Variants in VAV3 observed in about 807,000 individuals in gnomAD.
The protein encoded by VAV3 is guanine nucleotide exchange factor VAV3.
A neutral mutation model predicts 131.2 loss-of-function variants in VAV3; 94 were observed. That is an observed-to-expected ratio of 0.72 (90% CI 0.61 to 0.85). VAV3 has a LOEUF of 0.85. VAV3 is among the 40% of genes least tolerant of loss of function. VAV3 has a pLI of 0.00. For synonymous variants in VAV3, 349 were observed against 342.0 expected (o/e 1.02, Z -0.22); for missense variants, 939 against 1,002.7 (o/e 0.94, Z 0.86).
Position 107,904,265 on chromosome 1 carries a change from T to G in VAV3, c.205-29248A>C, listed in dbSNP as rs901471845. Among the ~76,000 whole-genome samples, 3 of 152,316 alleles carry G rather than the reference T, an allele frequency of 2.0e-5. No individual in the cohort carries two copies. The South Asian group carries it at 6.2e-4, about 32-fold the overall frequency. The stretch of plus-strand genomic sequence containing the variant: ...TAAAGAATGCCATGTTACTGCTAGA[T>G]GCCAAGCTGTCACTCTAGATAAATG... On this transcript the variant is annotated intron_variant, in intron 1 of 26. Coordinates refer to ENST00000370056, the MANE Select transcript of VAV3 (RefSeq NM_006113.5).
At chr1:107,837,989 A>G (rs1668548047) in intron 2 of VAV3, among the ~76,000 whole-genome samples, 1 of 152,276 alleles carries the variant, frequency 6.6e-6, no homozygotes, top group South Asian at 2.1e-4. Flanking sequence ...CAAATAATTC[A>G]TGGTCAAGTT....
At chr1:107,933,152 T>C (rs1332921468) in intron 1 of VAV3, among the ~76,000 whole-genome samples, 2 of 152,228 alleles carry the variant, frequency 1.3e-5, no homozygotes, top group Non-Finnish European at 2.9e-5. Context: ...TAAATGACAG[T>C]ACAGTGTAAA....
At chr1:107,757,117 GTA>G (rs201411038) in intron 11 of VAV3, 142 bp downstream of exon 11, 31 of 517,144 alleles carry the variant, frequency 6.0e-5, no homozygotes, top group South Asian at 1.7e-4. Flanking sequence ...TTATTTATGT[GTA>G]TATATATATG....
chr1:107,790,790 C>T (rs563335787), intron 2 of VAV3, among the ~76,000 whole-genome samples: 18 of 141,258 alleles, frequency 1.3e-4, no homozygotes, highest in Non-Finnish European at 2.3e-4. Context: ...CAGGTTAAAG[C>T]GATTCTCCTG....
chr1:107,642,714 G>T lies in VAV3; in HGVS notation c.1819C>A (p.Pro607Thr). ...GGTCCTTCATGCAGAGCTGGGGGTG[G>T]TGTTCCAGAATAGTTCCTAATGACC... ...MQVIRNYSGT[P>T]PPALHEGPPL... The change falls in exon 20 of 27, where the codon CCA (proline) becomes ACA (threonine). Residue 607 changes from proline (P) to threonine (T), a missense_variant. Transcript: ENST00000370056. The T allele has an allele frequency of 6.2e-7, 1 of 1,613,468 alleles. No homozygotes were observed.
At chr1:107,728,642 T>C (rs190617195) in intron 15 of VAV3, among the ~76,000 whole-genome samples, 382 of 139,764 alleles carry the variant, frequency 2.7e-3, no homozygotes, top group African/African-American at 6.1e-3. Flanking sequence ...TATATGTATA[T>C]GTATATGTAT....
At chr1:107,851,890 T>C (rs1669249538) in intron 2 of VAV3, among the ~76,000 whole-genome samples, 1 of 152,140 alleles carries the variant, frequency 6.6e-6, no homozygotes, top group African/African-American at 2.4e-5. Context: ...AGTTTGCTGA[T>C]TTTTTTAAAA....
chr1:107,616,518 G>T (rs1653165917), intron 21 of VAV3, among the ~76,000 whole-genome samples: 1 of 151,994 alleles, frequency 6.6e-6, no homozygotes, highest in African/African-American at 2.4e-5. Context: ...ACAATAATCT[G>T]TACACCAAAC....
At chr1:107,877,989 G>A (rs1670585719) in intron 1 of VAV3, among the ~76,000 whole-genome samples, 1 of 152,058 alleles carries the variant, frequency 6.6e-6, no homozygotes, top group Non-Finnish European at 1.5e-5. Context: ...GTCCACTCCA[G>A]GACTTTTGCT....
At chr1:107,742,952 C>T (rs1374772699) in intron 15 of VAV3, among the ~76,000 whole-genome samples, 2 of 152,118 alleles carry the variant, frequency 1.3e-5, no homozygotes, top group Non-Finnish European at 2.9e-5. Context: ...ACAGCCAAGA[C>T]CTGCAGGATA....
intron 8 of VAV3, 44 bp from the exon 9 acceptor site, chr1:107,765,219 G>C (rs1291097727): frequency 6.9e-7 from 1 of 1,444,044 alleles, no homozygotes; most frequent in Non-Finnish European, 9.7e-7. Flanking sequence ...CAAAAACCAA[G>C]AATGAACTGG....
intron 15 of VAV3, among the ~76,000 whole-genome samples, chr1:107,739,794 A>T (rs1662898755): frequency 6.6e-6 from 1 of 152,178 alleles, no homozygotes; most frequent in Non-Finnish European, 1.5e-5. Flanking sequence ...CAGGTGACAA[A>T]ATGTCATCCC....
At chr1:107,865,955 A>T (rs565121434) in intron 2 of VAV3, among the ~76,000 whole-genome samples, 1 of 152,082 alleles carries the variant, frequency 6.6e-6, no homozygotes, top group African/African-American at 2.4e-5. Flanking sequence ...TTCCAGGGGC[A>T]CTCCACCAGA....
chr1:107,774,461 G>A (rs1665224725), intron 4 of VAV3, among the ~76,000 whole-genome samples: 3 of 152,214 alleles, frequency 2.0e-5, no homozygotes, highest in African/African-American at 7.2e-5. Flanking sequence ...ACACAAGACT[G>A]GTCTAGAACT....
chr1:107,688,170 T>C (rs1419188092), intron 18 of VAV3, among the ~76,000 whole-genome samples: 1 of 152,234 alleles, frequency 6.6e-6, no homozygotes, highest in East Asian at 1.9e-4. Context: ...ACATTTTTTC[T>C]CTACCTAAGA....
chr1:107,946,231 A>G (rs1042910996), intron 1 of VAV3, among the ~76,000 whole-genome samples: 2 of 152,198 alleles, frequency 1.3e-5, no homozygotes, highest in African/African-American at 4.8e-5. Context: ...AGGAGCAGAC[A>G]TGGATTCAAG....
chr1:107,810,052 A>G (rs1220446393), intron 2 of VAV3, among the ~76,000 whole-genome samples: 1 of 152,178 alleles, frequency 6.6e-6, no homozygotes, highest in African/African-American at 2.4e-5. Context: ...TTTTGAAATA[A>G]TTTCTTCCTT....
chr1:107,765,025 T>C, intron 9 of VAV3, 51 bp downstream of exon 9: 1 of 1,262,090 alleles, frequency 7.9e-7, no homozygotes, highest in Non-Finnish European at 1.2e-6. Flanking sequence ...AGGAACACAT[T>C]GCTTTTAGGT....
chr1:107,889,558 G>A (rs1325180117), intron 1 of VAV3, among the ~76,000 whole-genome samples: 1 of 152,102 alleles, frequency 6.6e-6, no homozygotes, highest in Admixed American at 6.5e-5. Context: ...GGTTTAGGCA[G>A]AAAGAGCTAT....
Sources: gnomAD v4.1 joint callset for allele counts (sites outside exome capture counted in the v4.1 genomes callset) on GRCh38, gnomAD v4.1.1 for gene constraint, MANE v1.5 for transcripts, NCBI Gene and HGNC (gene_info 2026-07-23, HGNC 2026-07-21) for gene names.